MMRN2: variants seen among roughly 807,000 people sequenced by gnomAD.
MMRN2 encodes multimerin-2.
MMRN2 carries 53 observed loss-of-function variants against 68.8 expected under a neutral mutation model. The ratio of observed to expected loss-of-function variants is 0.77; its 90% CI spans 0.62 to 0.97. The LOEUF (loss-of-function observed/expected upper bound fraction) is 0.97, where lower values mean the gene tolerates loss of function less well. Ranked by LOEUF, MMRN2 falls within the 50% of genes least tolerant of loss-of-function variation. The pLI, the probability that MMRN2 is intolerant of heterozygous loss-of-function variation, is 0.00. For synonymous variants in MMRN2, 564 were observed against 551.6 expected, an observed-to-expected ratio of 1.02 and a Z score of -0.32; for missense variants, 1,266 against 1,259.5, an observed-to-expected ratio of 1.01 and a Z score of -0.08.
intron 6 of MMRN2, among the ~76,000 whole-genome samples, chr10:86,937,486 T>C (rs1843898312): frequency 6.6e-6 from 1 of 150,868 alleles, no homozygotes; most frequent in Non-Finnish European, 1.5e-5. Context: ...GGAGTCTTAC[T>C]ATGTTGCCCA....
At position 86,942,620 on chromosome 10, in the gene MMRN2, C is replaced by G. The variant is rs764221591; in HGVS notation, c.2164G>C (p.Gly722Arg). Residue 722 changes from glycine to arginine, a missense_variant, in exon 6 of 7, where the codon GGG becomes CGG. Gly to Arg is a moderately radical substitution (Grantham distance 125, BLOSUM62 -2). Coordinates refer to ENST00000372027, the MANE Select transcript of MMRN2 (RefSeq NM_024756.3). The stretch of plus-strand genomic sequence containing the variant: ...AGGGAGGCGTTGAGGGAGGCGGCCC[C>G]GGCCCCGGCCTCGGCCTCGCAGCAC... ...GRCCEAEAGA[G>R]AASLNASLHG... is the part of the protein sequence containing the mutation. 2 of 1,604,464 alleles carry G rather than the reference C, an allele frequency of 1.2e-6. No individual in the cohort carries two copies. The highest frequency in any genetic ancestry group is 1.1e-5 in the South Asian group (1 of 91,012).
chr10:86,956,083 G>A (rs545739827), intron 1 of MMRN2, among the ~76,000 whole-genome samples: 29 of 152,174 alleles, frequency 1.9e-4, no homozygotes, highest in Non-Finnish European at 3.4e-4. Context: ...AGACTAAGGC[G>A]TGGAGCTTCC....
Position 86,953,306 on chromosome 10 carries a change from T to C in MMRN2, c.164+4072A>G, listed in dbSNP as rs376446240. 4.6e-5 allele frequency among the ~76,000 whole-genome samples: 7 copies of C among 152,268 alleles called. No individual in the cohort carries two copies. In the East Asian group the frequency reaches 1.3e-3, roughly 29 times the overall value. ...GAAATTATGAGTATTATTAGGGAAG[T>C]GATAAATGTCCATATTAAAATGAAA... On this transcript the variant is annotated intron_variant, in intron 1 of 6. Coordinates refer to ENST00000372027, the MANE Select transcript of MMRN2 (RefSeq NM_024756.3).
intron 1 of MMRN2, among the ~76,000 whole-genome samples, chr10:86,955,629 T>C (rs964207959): frequency 1.3e-5 from 2 of 152,168 alleles, no homozygotes; most frequent in Non-Finnish European, 2.9e-5. Flanking sequence ...CCCCTTCCCA[T>C]GCTGCAGGGA....
intron 1 of MMRN2, 44 bp from the exon 2 acceptor site, chr10:86,945,733 G>C (rs1453974532): frequency 6.2e-7 from 1 of 1,612,590 alleles, no homozygotes; most frequent in African/African-American, 1.3e-5. Context: ...CCACACCCAG[G>C]TCAACAGGGG....
At chr10:86,948,613 G>A (rs4459204) in intron 1 of MMRN2, 148,275 of 152,306 alleles carry the variant, frequency 0.97, 72,181 homozygotes, top group East Asian at 1. Flanking sequence ...TAACATCCAA[G>A]TAGTACAAAT....
rs756939977 is a variant in MMRN2, at chr10:86,945,617, G to C, written c.237C>G (p.Ile79Met). ...CCTGCGGACACGGCTGCTGCGAGTG[G>C]ATGAGGAATTTCTCTGTTTTGCAAA... The part of the protein sequence containing the change: ...LALCKTEKFL[I>M]HSQQPCPQGA... The change falls in exon 2 of 7, where the codon ATC becomes ATG. Residue 79 changes from isoleucine (I) to methionine (M), a missense_variant. Ile to Met is a conservative substitution (Grantham distance 10). Transcript: ENST00000372027. 1 of 1,613,702 alleles carries C rather than the reference G, an allele frequency of 6.2e-7. No homozygotes were observed. The highest frequency in any genetic ancestry group is 1.1e-5 in the South Asian group (1 of 90,960).
At chr10:86,948,158 TGAGGCTG>T (rs1198186332) in intron 1 of MMRN2, among the ~76,000 whole-genome samples, 1 of 148,674 alleles carries the variant, frequency 6.7e-6, no homozygotes, top group Non-Finnish European at 1.5e-5. Context: ...CCCAGAAGTT[TGAGGCTG>T]CAGTGAGCCA....
intron 1 of MMRN2, among the ~76,000 whole-genome samples, chr10:86,947,671 G>A (rs984515685): frequency 9.9e-5 from 15 of 151,874 alleles, no homozygotes; most frequent in Non-Finnish European, 1.5e-4. Flanking sequence ...GTACCCAGCC[G>A]AGTGACCATA....
rs779798038 is a variant in MMRN2, at chr10:86,943,409, CCTCCATGATCAGAGACTT to C, written c.1357_1374del (p.Lys453_Glu458del). On this transcript the variant is annotated inframe_deletion, in exon 6 of 7. Transcript: ENST00000372027. The surrounding 1 kb of genome is among the most constrained non-coding windows in gnomAD (Gnocchi z 4.2). ...TGCCGCTCCACCTCCTCCTTGTTCT[CCTCCATGATCAGAGACTT>C]CTCCATCAGGATCACGCGCAGCTCA... is the stretch of plus-strand genomic sequence containing the variant. 2 of 1,614,070 alleles carry C rather than the reference CCTCCATGATCAGAGACTT, an allele frequency of 1.2e-6. No individual in the cohort carries two copies. Among genetic ancestry groups the C allele is most frequent in the Non-Finnish European group, 1.7e-6 (2 of 1,179,936 alleles).
In MMRN2 at chr10:86,937,002, G is replaced by A. The variant is rs766427968; in HGVS notation, c.2591C>T (p.Ala864Val). 2 of 1,614,228 alleles carry A rather than the reference G, an allele frequency of 1.2e-6. No homozygotes were observed. The highest frequency in any genetic ancestry group is 1.1e-5 in the South Asian group (1 of 91,082). Residue 864 changes from alanine (A) to valine (V), a missense_variant, in exon 7 of 7, where the codon GCC becomes GTC. Coordinates refer to ENST00000372027, the MANE Select transcript of MMRN2 (RefSeq NM_024756.3). ...AAACAGGTAGACACCACGCTCAGGG[G>A]CTCGGAAGTAGCCATGTTCAGGGAA... ...SYFPEHGYFR[A>V]PERGVYLFAV...
intron 4 of MMRN2, among the ~76,000 whole-genome samples, chr10:86,944,926 G>A (rs1844043427): frequency 6.6e-6 from 1 of 152,210 alleles, no homozygotes; most frequent in African/African-American, 2.4e-5. Flanking sequence ...GGTTCAGCGG[G>A]GCAAGGAAAG....
chr10:86,943,598 A>G lies in MMRN2; in HGVS notation c.1186T>C (p.Tyr396His), dbSNP rs370311170. 10 of 1,613,764 alleles carry G rather than the reference A, an allele frequency of 6.2e-6. No homozygotes were observed. The African/African-American group carries it at 1.3e-4, about 22-fold the overall frequency. Reference protein sequence around the residue: ...TTARREEELQYTLEDMRATLT... With the variant: ...TTARREEELQHTLEDMRATLT... ...GTGGCCCTCATGTCCTCCAGGGTGTACTGCAACTCCTCCTCCCTGCGGGCC... is the reference window on the plus strand; with the variant it reads ...GTGGCCCTCATGTCCTCCAGGGTGTGCTGCAACTCCTCCTCCCTGCGGGCC... Residue 396 changes from tyrosine (Y) to histidine (H), a missense_variant, in exon 6 of 7, where the codon TAC (tyrosine) becomes CAC (histidine). Tyr to His is a moderately conservative substitution (Grantham distance 83). Transcript: ENST00000372027. The surrounding 1 kb of genome is among the most constrained non-coding windows in gnomAD (Gnocchi z 4.2).
intron 5 of MMRN2, 33 bp from the exon 6 acceptor site, chr10:86,944,161 G>A (rs376579147): frequency 2.7e-5 from 43 of 1,602,416 alleles, no homozygotes; most frequent in Non-Finnish European, 3.5e-5. Context: ...CACAAGCCCT[G>A]CAGGAGCAGA....
In MMRN2 at chr10:86,943,624, G is replaced by A; in HGVS notation, c.1160C>T (p.Thr387Met). 4 of 1,613,692 alleles carry A rather than the reference G, an allele frequency of 2.5e-6. No individual in the cohort carries two copies. Among genetic ancestry groups the A allele is most frequent in the Non-Finnish European group, 3.4e-6 (4 of 1,180,008 alleles). ...CTGCAACTCCTCCTCCCTGCGGGCC[G>A]TGGTCATGTGCAGCTCTGAGAGGTT... ...QRNLSELHMT[T>M]ARREEELQYT... is the part of the protein sequence containing the mutation. Residue 387 changes from threonine to methionine, a missense_variant, in exon 6 of 7, where the codon ACG (threonine) becomes ATG (methionine). Physicochemically the swap from Thr to Met is moderately conservative, Grantham distance 81. Transcript: ENST00000372027. This position sits in a 1 kb window ranked among gnomAD's most constrained non-coding sequence, Gnocchi z 4.2.
rs891410136 is a variant in MMRN2, at chr10:86,943,065, G to C, written c.1719C>G (p.Asp573Glu). ...RLRSQVQALD[D>E]EVGALKAAAA... Reference sequence around the variant, plus strand: ...CGGCCGCCTTCAGCGCGCCCACCTCGTCATCCAGCGCCTGCACTTGGCTCC... The same window carrying C: ...CGGCCGCCTTCAGCGCGCCCACCTCCTCATCCAGCGCCTGCACTTGGCTCC... The change falls in exon 6 of 7, where the codon GAC becomes GAG. Residue 573 changes from aspartate to glutamate, a missense_variant. Transcript: ENST00000372027. This position sits in a 1 kb window ranked among gnomAD's most constrained non-coding sequence, Gnocchi z 4.2. 1 of 1,402,956 alleles carries C rather than the reference G, an allele frequency of 7.1e-7. No homozygotes were observed. Among genetic ancestry groups the C allele is most frequent in the Non-Finnish European group, 9.2e-7 (1 of 1,086,344 alleles). The allele number at this position is 1,402,956 out of a possible 1,614,324, so 86.9% of individuals were successfully genotyped here.
rs375092242 is a variant in MMRN2, at chr10:86,936,059, A to G, written c.*684T>C. On this transcript the variant is annotated 3_prime_UTR_variant, in exon 7 of 7. Transcript: ENST00000372027. ...ATGGGGGAACCGCCCCCAAGATCCA[A>G]TTACCTCCACCTGATCTCTCCCTTG... 9.6e-5 allele frequency: 18 copies of G among 187,248 alleles called. No homozygotes were observed. The highest frequency in any genetic ancestry group is 8.6e-4 in the East Asian group (7 of 8,114). The allele number at this position is 187,248 out of a possible 1,614,324, so 11.6% of individuals were successfully genotyped here. A position where few individuals can be genotyped will look rare whatever the true frequency, so the allele number is the denominator to read the frequency against.
chr10:86,938,913 A>C (rs1031075509), intron 6 of MMRN2, among the ~76,000 whole-genome samples: 41 of 152,264 alleles, frequency 2.7e-4, no homozygotes, highest in Non-Finnish European at 5.1e-4. Context: ...CTGTAATCCC[A>C]GCACTTTGGG....
intron 1 of MMRN2, among the ~76,000 whole-genome samples, chr10:86,954,464 G>C (rs560812916): frequency 1.3e-5 from 2 of 152,300 alleles, no homozygotes; most frequent in African/African-American, 4.8e-5. Context: ...GAGCTGGTGT[G>C]GGGGGAAGGG....
Sources: gnomAD v4.1 joint callset for allele counts (sites outside exome capture counted in the v4.1 genomes callset) on GRCh38, gnomAD v4.1.1 for gene constraint, Gnocchi (gnomAD v3.1) non-coding constraint, MANE v1.5 for transcripts, NCBI Gene and HGNC (gene_info 2026-07-23, HGNC 2026-07-21) for gene names.